The following TNNI3K variants were observed in gnomAD, a reference collection of about 807,000 sequenced individuals.
TNNI3K encodes the protein TNNI3 interacting kinase, also known as serine/threonine-protein kinase TNNI3K.
A neutral mutation model predicts 114.5 loss-of-function variants in TNNI3K; 140 were observed. The observed-to-expected ratio is 1.22, with a 90% CI of 1.07 to 1.41. TNNI3K has a LOEUF of 1.41. Among genes scored for constraint, TNNI3K ranks in the 40% most tolerant of loss-of-function variants. The pLI is 0.00. For synonymous variants in TNNI3K, 347 were observed against 347.5 expected, an observed-to-expected ratio of 1.00 and a Z score of 0.02; for missense variants, 1,125 against 1,007.6, an observed-to-expected ratio of 1.12 and a Z score of -1.58.
At chr1:74,341,378 C>T (rs975890380) in intron 7 of TNNI3K, among the ~76,000 whole-genome samples, 5 of 152,068 alleles carry the variant, frequency 3.3e-5, no homozygotes, top group East Asian at 1.9e-4. Context: ...GCTAGATAGA[C>T]GCTTTCCAAT....
chr1:74,258,949 G>T (rs1202097865), intron 4 of TNNI3K, among the ~76,000 whole-genome samples: 1 of 152,086 alleles, frequency 6.6e-6, no homozygotes, highest in Non-Finnish European at 1.5e-5. Context: ...AACAATCTAG[G>T]TCTACATATT....
At chr1:74,518,482 A>G (rs537515405) in intron 23 of TNNI3K, among the ~76,000 whole-genome samples, 66 of 152,194 alleles carry the variant, frequency 4.3e-4, no homozygotes, top group African/African-American at 1.5e-3. Context: ...TCTTACCTCA[A>G]GGATCTCTGA....
chr1:74,306,086 C>T (rs1297556259), intron 5 of TNNI3K, among the ~76,000 whole-genome samples: 2 of 152,084 alleles, frequency 1.3e-5, no homozygotes, highest in Non-Finnish European at 2.9e-5. Context: ...TTAGATCCCT[C>T]TTATAAGTGA....
chr1:74,289,675 T>A (rs1415391599), intron 5 of TNNI3K, among the ~76,000 whole-genome samples: 2 of 151,992 alleles, frequency 1.3e-5, no homozygotes, highest in African/African-American at 2.4e-5. Flanking sequence ...GAAATACTGC[T>A]GTCAAAATTT....
intron 15 of TNNI3K, 58 bp from the exon 16 acceptor site, chr1:74,369,333 A>G: frequency 6.2e-7 from 1 of 1,606,598 alleles, no homozygotes; most frequent in East Asian, 2.2e-5. Flanking sequence ...TGTGCATGGC[A>G]AGCCCCTTGT....
intron 23 of TNNI3K, among the ~76,000 whole-genome samples, chr1:74,532,430 A>C (rs1235665543): frequency 1.3e-5 from 2 of 151,660 alleles, no homozygotes; most frequent in Non-Finnish European, 2.9e-5. Flanking sequence ...GTAACTGAAC[A>C]ATAGTTTGAC....
At chr1:74,476,215 C>A (rs1323794402) in intron 21 of TNNI3K, among the ~76,000 whole-genome samples, 18 of 152,096 alleles carry the variant, frequency 1.2e-4, no homozygotes, top group Admixed American at 1.2e-3. Context: ...ATTTCATGTT[C>A]TATGTAGTTT....
intron 5 of TNNI3K, among the ~76,000 whole-genome samples, chr1:74,275,222 A>T (rs1297591932): frequency 6.6e-6 from 1 of 152,080 alleles, no homozygotes; most frequent in Non-Finnish European, 1.5e-5. Flanking sequence ...TTACAGTTCC[A>T]CATGGCTGGA....
intron 17 of TNNI3K, among the ~76,000 whole-genome samples, chr1:74,408,872 T>G (rs972640431): frequency 6.6e-6 from 1 of 152,148 alleles, no homozygotes; most frequent in Non-Finnish European, 1.5e-5. Flanking sequence ...TGTACTATTT[T>G]GTAGAAAACC....
chr1:74,412,560 G>A lies in TNNI3K; in HGVS notation c.1773-23520G>A, dbSNP rs146698739. Among the ~76,000 whole-genome samples the A allele has an allele frequency of 2.6e-5, 4 of 152,222 alleles. No individual in the cohort carries two copies. The East Asian group carries it at 5.8e-4, about 22-fold the overall frequency. On this transcript the variant is annotated intron_variant, in intron 17 of 24. Coordinates refer to ENST00000326637, the MANE Select transcript of TNNI3K (RefSeq NM_015978.3). ...AGATACCTATTAAATATTGTCTCAC[G>A]TTGACTCAATGACATCAGGCCACAT...
chr1:74,489,819 G>A (rs557122875), intron 22 of TNNI3K, among the ~76,000 whole-genome samples: 1 of 152,130 alleles, frequency 6.6e-6, no homozygotes, highest in Non-Finnish European at 1.5e-5. Flanking sequence ...TCAAGAGATA[G>A]CATTTCAAAA....
chr1:74,441,444 T>C (rs1488066435), intron 20 of TNNI3K, among the ~76,000 whole-genome samples: 3 of 152,210 alleles, frequency 2.0e-5, no homozygotes. Context: ...CCATTTGAGT[T>C]CTTCTCATTT....
Position 74,543,923 on chromosome 1 carries a change from A to G in TNNI3K, c.2449A>G (p.Met817Val), listed in dbSNP as rs147226361. ...TGATGCAGGCTATGTATCCGATCCC[A>G]TGAGCTCAATGCATTTTCATTCTTG... ...IDKYGYVSDPMSSMHFHSCRN... is the reference protein window; with the variant it reads ...IDKYGYVSDPVSSMHFHSCRN... The change falls in exon 25 of 25, where the codon ATG becomes GTG. Residue 817 changes from methionine (M) to valine (V), a missense_variant. Transcript: ENST00000326637. 977 of 1,613,530 alleles carry G rather than the reference A, an allele frequency of 6.1e-4. 10 individuals are homozygous for G. The East Asian group carries it at 0.015, about 25-fold the overall frequency.
At chr1:74,248,608 G>T (rs1337635132) in intron 2 of TNNI3K, among the ~76,000 whole-genome samples, 2 of 152,158 alleles carry the variant, frequency 1.3e-5, no homozygotes, top group African/African-American at 4.8e-5. Context: ...TAACTCTTGG[G>T]ATAATTTTAG....
At chr1:74,462,588 A>C (rs515419) in intron 20 of TNNI3K, among the ~76,000 whole-genome samples, 95,561 of 152,078 alleles carry the variant, frequency 0.63, 30,315 homozygotes, top group East Asian at 0.82. Flanking sequence ...AACAACAACA[A>C]CACCTACTTT....
chr1:74,527,048 A>G (rs1325876547), intron 23 of TNNI3K, among the ~76,000 whole-genome samples: 1 of 152,222 alleles, frequency 6.6e-6, no homozygotes, highest in Non-Finnish European at 1.5e-5. Flanking sequence ...TGCCTGCTCT[A>G]AAAGCATAAA....
chr1:74,286,834 A>G (rs1171849521), intron 5 of TNNI3K, among the ~76,000 whole-genome samples: 1 of 152,124 alleles, frequency 6.6e-6, no homozygotes, highest in East Asian at 1.9e-4. Flanking sequence ...AAGGATCACA[A>G]ATAATTAGGG....
intron 20 of TNNI3K, among the ~76,000 whole-genome samples, chr1:74,451,931 G>A (rs1220011478): frequency 6.6e-6 from 1 of 151,462 alleles, no homozygotes; most frequent in African/African-American, 2.4e-5. Flanking sequence ...AATTGTTTTT[G>A]ACTGTTCTTT....
At chr1:74,257,560 G>A (rs1271029847) in intron 4 of TNNI3K, among the ~76,000 whole-genome samples, 1 of 151,032 alleles carries the variant, frequency 6.6e-6, no homozygotes, top group East Asian at 1.9e-4. Flanking sequence ...TTTTTGGCGG[G>A]TAGTTACACT....
Sources: gnomAD v4.1 joint callset for allele counts (sites outside exome capture counted in the v4.1 genomes callset) on GRCh38, gnomAD v4.1.1 for gene constraint, MANE v1.5 for transcripts, NCBI Gene and HGNC (gene_info 2026-07-23, HGNC 2026-07-21) for gene names.